The following LRBA variants were observed in gnomAD, a reference collection of about 807,000 sequenced individuals.
LRBA encodes lipopolysaccharide-responsive and beige-like anchor protein.
A neutral mutation model predicts 330.0 loss-of-function variants in LRBA; 176 were observed. The observed-to-expected ratio is 0.53, with a 90% CI of 0.47 to 0.60. LRBA has a LOEUF of 0.60. LRBA is among the 20% of genes least tolerant of loss of function. The probability of loss-of-function intolerance (pLI) is 0.00; values close to 1 mark genes in which losing one functional copy is unlikely to be tolerated. For missense variants in LRBA, 3,259 were observed against 3,444.8 expected, an observed-to-expected ratio of 0.95 and a Z score of 1.35; for synonymous variants, 1,230 against 1,193.0, an observed-to-expected ratio of 1.03 and a Z score of -0.64.
chr4:150,606,881 G>T (rs929949477), intron 37 of LRBA, among the ~76,000 whole-genome samples: 1 of 152,148 alleles, frequency 6.6e-6, no homozygotes, highest in Non-Finnish European at 1.5e-5. Flanking sequence ...GGGTTTATGC[G>T]TAATTCACTG....
chr4:150,559,303 C>A (rs957899593), intron 40 of LRBA, among the ~76,000 whole-genome samples: 1 of 151,576 alleles, frequency 6.6e-6, no homozygotes, highest in Non-Finnish European at 1.5e-5. Flanking sequence ...TGGCTCATGC[C>A]TGTAATCCCA....
At chr4:150,325,929 A>C in intron 48 of LRBA, 31 bp from the exon 49 acceptor site, 1 of 1,222,596 alleles carries the variant, frequency 8.2e-7, no homozygotes, top group Non-Finnish European at 1.2e-6. Flanking sequence ...TCTGAAGGTT[A>C]AGAGGTGCTA....
chr4:150,523,952 T>C (rs928357738), intron 40 of LRBA, among the ~76,000 whole-genome samples: 3 of 152,214 alleles, frequency 2.0e-5, no homozygotes, highest in Non-Finnish European at 2.9e-5. Flanking sequence ...TTTGCATGTC[T>C]AGTCATTTTG....
chr4:150,544,674 A>T (rs1458484175), intron 40 of LRBA, among the ~76,000 whole-genome samples: 1 of 152,156 alleles, frequency 6.6e-6, no homozygotes, highest in Non-Finnish European at 1.5e-5. Context: ...CTGTAACATT[A>T]AGAAAAACCA....
At chr4:150,512,987 C>T (rs1473910491) in intron 40 of LRBA, among the ~76,000 whole-genome samples, 2 of 152,034 alleles carry the variant, frequency 1.3e-5, no homozygotes, top group African/African-American at 2.4e-5. Context: ...AAGTCATAGG[C>T]TATGTTAAGT....
intron 34 of LRBA, among the ~76,000 whole-genome samples, chr4:150,792,943 G>A (rs1487021738): frequency 6.6e-6 from 1 of 152,080 alleles, no homozygotes; most frequent in Non-Finnish European, 1.5e-5. Context: ...AGCCAGGCAT[G>A]GTGGCAGGCA....
At chr4:150,692,542 G>C (rs1784232531) in intron 36 of LRBA, among the ~76,000 whole-genome samples, 1 of 152,094 alleles carries the variant, frequency 6.6e-6, no homozygotes, top group Non-Finnish European at 1.5e-5. Context: ...AAAGTGGATG[G>C]ACAAGGTATA....
chr4:150,265,810 C>A lies in LRBA; in HGVS notation c.8471G>T (p.Cys2824Phe). ...RAMALSYDQR[C>F]IISGMASGSI... ...TCCTGAAGCCATGCCAGAAATGATG[C>A]ACCTAGGAGAAGCACAGAGAGAAGG... The change falls in exon 57 of 57, where the codon TGC becomes TTC. Residue 2824 changes from cysteine (C) to phenylalanine (F), a missense_variant and splice_region_variant. Physicochemically the swap from Cys to Phe is radical, Grantham distance 205 (BLOSUM62 -2). Coordinates refer to ENST00000651943, the MANE Select transcript of LRBA (RefSeq NM_001364905.1). 6.2e-7 allele frequency: 1 copy of A among 1,601,808 alleles called. No individual in the cohort carries two copies. Among genetic ancestry groups the A allele is most frequent in the Non-Finnish European group, 8.6e-7 (1 of 1,168,878 alleles).
Position 150,583,344 on chromosome 4 carries a change from G to A in LRBA, c.6330+4704C>T, listed in dbSNP as rs748556362. 20 of 1,614,084 alleles carry A rather than the reference G, an allele frequency of 1.2e-5. No individual in the cohort carries two copies. Among genetic ancestry groups the A allele is most frequent in the Non-Finnish European group, 1.7e-5 (20 of 1,180,052 alleles). On this transcript the variant is annotated intron_variant, in intron 40 of 56. Coordinates refer to ENST00000651943, the MANE Select transcript of LRBA (RefSeq NM_001364905.1). The surrounding 1 kb of genome is among the most constrained non-coding windows in gnomAD (Gnocchi z 9.8). ...GCGCAGTGCTCAAACTGAGCGATGG[G>A]CGGAAGCGGAGCATGTCTCTCTGGG...
At chr4:150,930,253 T>C (rs1490029208) in intron 2 of LRBA, among the ~76,000 whole-genome samples, 1 of 151,482 alleles carries the variant, frequency 6.6e-6, no homozygotes, top group African/African-American at 2.4e-5. Flanking sequence ...TGGCAGAGAT[T>C]GCAGTGAGCT....
chr4:150,556,798 T>A (rs1417791094), intron 40 of LRBA, among the ~76,000 whole-genome samples: 1 of 152,242 alleles, frequency 6.6e-6, no homozygotes, highest in African/African-American at 2.4e-5. Context: ...GTGTATAAAT[T>A]GGATACTTCT....
chr4:150,287,037 C>T (rs1483921361), intron 53 of LRBA, among the ~76,000 whole-genome samples: 4 of 152,178 alleles, frequency 2.6e-5, no homozygotes, highest in South Asian at 2.1e-4. Context: ...TTAGCATTCC[C>T]GATTTCTTGA....
intron 48 of LRBA, among the ~76,000 whole-genome samples, chr4:150,339,247 C>G (rs1039314050): frequency 6.6e-6 from 1 of 152,078 alleles, no homozygotes; most frequent in Non-Finnish European, 1.5e-5. Context: ...ATTGGAGGTA[C>G]TCTGATTTCT....
At chr4:150,553,316 G>A (rs1457577961) in intron 40 of LRBA, among the ~76,000 whole-genome samples, 2 of 151,936 alleles carry the variant, frequency 1.3e-5, no homozygotes, top group Non-Finnish European at 2.9e-5. Flanking sequence ...AGGGCCTGTC[G>A]TGGGGTGGGG....
chr4:150,280,040 A>G (rs1265768263), intron 55 of LRBA, among the ~76,000 whole-genome samples: 1 of 152,214 alleles, frequency 6.6e-6, no homozygotes, highest in Non-Finnish European at 1.5e-5. Flanking sequence ...TCTGAAATTA[A>G]GTAAAACCTG....
intron 34 of LRBA, among the ~76,000 whole-genome samples, chr4:150,778,181 C>T (rs1737685310): frequency 6.6e-6 from 1 of 152,000 alleles, no homozygotes; most frequent in South Asian, 2.1e-4. Context: ...AGATTTTATT[C>T]TATTGTGTCT....
chr4:150,321,418 A>T lies in LRBA; in HGVS notation c.7453-50T>A. On this transcript the variant is annotated intron_variant, in intron 49 of 56. Coordinates refer to ENST00000651943, the MANE Select transcript of LRBA (RefSeq NM_001364905.1). The surrounding 1 kb of genome is among the most constrained non-coding windows in gnomAD (Gnocchi z 4.5). ...GGGCATGACAAGACCCAAATAGACA[A>T]GAAGGAAAAGATGAAGAAAGACAAG... 1 of 1,451,502 alleles carries T rather than the reference A, an allele frequency of 6.9e-7. No individual in the cohort carries two copies. Among genetic ancestry groups the T allele is most frequent in the Non-Finnish European group, 9.2e-7 (1 of 1,087,692 alleles). 89.9% of individuals were successfully genotyped at this position (1,451,502 alleles called of 1,614,324 possible).
At chr4:150,849,793 T>A (rs766426833) in intron 24 of LRBA, among the ~76,000 whole-genome samples, 1 of 152,172 alleles carries the variant, frequency 6.6e-6, no homozygotes, top group Non-Finnish European at 1.5e-5. Context: ...TGCTGAAACA[T>A]AAATACTATT....
chr4:150,842,180 TC>T (rs1353294668), intron 28 of LRBA, among the ~76,000 whole-genome samples: 1 of 152,224 alleles, frequency 6.6e-6, no homozygotes, highest in African/African-American at 2.4e-5. Flanking sequence ...GTTAGAAGGT[TC>T]TTCAAGAGCC....
Sources: allele counts gnomAD v4.1 joint callset (sites outside exome capture counted in the v4.1 genomes callset), GRCh38; gene constraint gnomAD v4.1.1; non-coding constraint Gnocchi (gnomAD v3.1); transcripts MANE v1.5; gene names NCBI Gene and HGNC (gene_info 2026-07-23, HGNC 2026-07-21).